Variants in TCF3 observed in about 807,000 individuals in gnomAD.
TCF3 encodes the protein transcription factor E2-alpha.
Under a neutral mutation model 72.3 loss-of-function variants are expected in TCF3, and 54 were observed. The ratio of observed to expected loss-of-function variants is 0.75; its 90% CI spans 0.60 to 0.94. TCF3 has a LOEUF of 0.94. TCF3 is among the 40% of genes least tolerant of loss of function. The pLI is 0.00. For missense variants in TCF3, 1,078 were observed against 934.4 expected (o/e 1.15, Z -2.00); for synonymous variants, 525 against 412.6 (o/e 1.27, Z -3.30).
chr19:1,652,341 G>C lies in TCF3; in HGVS notation c.-81C>G, dbSNP rs2067263637. On this transcript the variant is annotated 5_prime_UTR_variant, in exon 1 of 19. Transcript: ENST00000262965. Reference sequence around the variant, plus strand: ...GGCACGCGGCGCGTGGGGGGGGGCGGCGGCATGAAGCGGGGGGGCCCCCCC... The same window carrying C: ...GGCACGCGGCGCGTGGGGGGGGGCGCCGGCATGAAGCGGGGGGGCCCCCCC... 1 of 142,246 alleles carries C rather than the reference G, an allele frequency of 7.0e-6. No homozygotes were observed. Among genetic ancestry groups the C allele is most frequent in the South Asian group, 2.1e-4 (1 of 4,656 alleles). The allele number at this position is 142,246 out of a possible 1,614,324, so 8.8% of individuals were successfully genotyped here.
intron 3 of TCF3, among the ~76,000 whole-genome samples, chr19:1,643,246 G>A (rs2065596668): frequency 6.6e-6 from 1 of 152,158 alleles, no homozygotes; most frequent in Non-Finnish European, 1.5e-5. Context: ...TTTGAGACAG[G>A]GTCTGGCTCT....
intron 16 of TCF3, among the ~76,000 whole-genome samples, chr19:1,617,766 A>G (rs578137819): frequency 2.0e-5 from 3 of 152,254 alleles, no homozygotes; most frequent in African/African-American, 7.2e-5. Flanking sequence ...GAAACTGCTG[A>G]CCTGTGGGTC....
chr19:1,626,614 G>A (rs1368838670), intron 6 of TCF3, among the ~76,000 whole-genome samples: 1 of 152,156 alleles, frequency 6.6e-6, no homozygotes, highest in African/African-American at 2.4e-5. Context: ...AGAGAGCAGG[G>A]CCCGAGCCCT....
chr19:1,616,902 T>TATAC (rs1356805379), intron 16 of TCF3, among the ~76,000 whole-genome samples: 1 of 152,178 alleles, frequency 6.6e-6, no homozygotes, highest in Non-Finnish European at 1.5e-5. Flanking sequence ...ACCACAGATG[T>TATAC]AGCCAACCAG....
At chr19:1,621,296 G>A in intron 11 of TCF3, 105 bp from the exon 12 acceptor site, 2 of 1,332,620 alleles carry the variant, frequency 1.5e-6, no homozygotes, top group Non-Finnish European at 2.0e-6. Context: ...GCTGCGCCAG[G>A]GAGAGCAGCC....
Position 1,619,771 on chromosome 19 carries a change from G to A in TCF3, c.1167+9C>T. On this transcript the variant is annotated intron_variant, in intron 14 of 18. Transcript: ENST00000262965. ...GGGAAGGGTGGGGTGGGGCGGGGCA[G>A]GCACTCACCAGGCCGTGGAGACCCC... 6.5e-7 allele frequency: 1 copy of A among 1,549,852 alleles called. No individual in the cohort carries two copies. Among genetic ancestry groups the A allele is most frequent in the Admixed American group, 1.9e-5 (1 of 51,454 alleles).
At chr19:1,646,456 G>T in intron 2 of TCF3, 29 bp from the exon 3 acceptor site, 2 of 1,544,456 alleles carry the variant, frequency 1.3e-6, no homozygotes, top group Non-Finnish European at 1.8e-6. Context: ...AGACGTGAGC[G>T]GGGCGGGTGG....
intron 3 of TCF3, among the ~76,000 whole-genome samples, chr19:1,644,916 C>T (rs1304059916): frequency 6.6e-6 from 1 of 152,036 alleles, no homozygotes; most frequent in Non-Finnish European, 1.5e-5. Flanking sequence ...CAGGGCCTGA[C>T]CCTCTGCCTC....
intron 1 of TCF3, among the ~76,000 whole-genome samples, chr19:1,651,756 G>A (rs1420463116): frequency 2.0e-5 from 3 of 151,686 alleles, no homozygotes; most frequent in Non-Finnish European, 4.4e-5. Flanking sequence ...CAGCGCGGCC[G>A]CCGCCTCGCC....
chr19:1,612,064 G>A, intron 18 of TCF3: 2 of 880,680 alleles, frequency 2.3e-6, no homozygotes, highest in Non-Finnish European at 3.4e-6. Context: ...GGGGTGTCTG[G>A]GGAACATCAC....
At chr19:1,646,293 T>C in intron 3 of TCF3, 62 bp downstream of exon 3, 4 of 1,496,684 alleles carry the variant, frequency 2.7e-6, no homozygotes, top group South Asian at 2.4e-5. Flanking sequence ...GCCCGCACAC[T>C]GTCTTCAACA....
chr19:1,615,419 C>T lies in TCF3; in HGVS notation c.1688G>A (p.Arg563His), dbSNP rs372762343. The change falls in exon 18 of 19, where the codon CGT becomes CAT. Residue 563 changes from arginine to histidine, a missense_variant. Transcript: ENST00000262965. This position sits in a 1 kb window ranked among gnomAD's most constrained non-coding sequence, Gnocchi z 7.3. ...CTCCTTAAAGGCCTCGTTGATGTCA[C>T]GGACCCGCAGCCGCTCCCGGGCGTT... ...ANNARERLRV[R>H]DINEAFKELG... The T allele has an allele frequency of 1.1e-5, 18 of 1,613,802 alleles. No individual in the cohort carries two copies. Among genetic ancestry groups the T allele is most frequent in the Middle Eastern group, 1.6e-4 (1 of 6,084 alleles).
At position 1,652,523 on chromosome 19, in the gene TCF3, G is replaced by A. The variant is rs1271827970; in HGVS notation, c.-263C>T. On this transcript the variant is annotated 5_prime_UTR_variant, in exon 1 of 19. Coordinates refer to ENST00000262965, the MANE Select transcript of TCF3 (RefSeq NM_003200.5). The stretch of plus-strand genomic sequence containing the variant: ...CGCCCCTGGGGCAGCGGCGTGCGCG[G>A]TGCCCGCGGTGCCCGCCGCCGCGTC... The A allele has an allele frequency of 6.9e-6, 1 of 144,684 alleles. No individual in the cohort carries two copies. The highest frequency in any genetic ancestry group is 1.5e-5 in the Non-Finnish European group (1 of 65,168). The allele number at this position is 144,684 out of a possible 1,614,324, so 9.0% of individuals were successfully genotyped here. A position where few individuals can be genotyped will look rare whatever the true frequency, so the allele number is the denominator to read the frequency against.
chr19:1,625,417 C>T (rs1391049715), intron 7 of TCF3, among the ~76,000 whole-genome samples, 159 bp downstream of exon 7: 2 of 152,224 alleles, frequency 1.3e-5, no homozygotes, highest in East Asian at 1.9e-4. Flanking sequence ...CCCCCGTCAC[C>T]GTCCATCCCT....
rs1157309378 is a variant in TCF3, at chr19:1,609,754, G to A, written c.*1953C>T. ...GGACTGGGGGCAGATACCAGGCATTGAGCTGGCCTTGAGGTTTCCCTTGCA... is the reference window on the plus strand; with the variant it reads ...GGACTGGGGGCAGATACCAGGCATTAAGCTGGCCTTGAGGTTTCCCTTGCA... On this transcript the variant is annotated 3_prime_UTR_variant, in exon 19 of 19. Coordinates refer to ENST00000262965, the MANE Select transcript of TCF3 (RefSeq NM_003200.5). 8.7e-6 allele frequency: 2 copies of A among 230,192 alleles called. No homozygotes were observed. The highest frequency in any genetic ancestry group is 1.8e-4 in the South Asian group (1 of 5,514). 14.3% of individuals were successfully genotyped at this position (230,192 alleles called of 1,614,324 possible). A position where few individuals can be genotyped will look rare whatever the true frequency, so the allele number is the denominator to read the frequency against.
chr19:1,625,624 G>T lies in TCF3; in HGVS notation c.451C>A (p.Pro151Thr). The T allele has an allele frequency of 6.3e-7, 1 of 1,575,346 alleles. No individual in the cohort carries two copies. The highest frequency in any genetic ancestry group is 1.1e-5 in the South Asian group (1 of 87,148). ...SGMKGTSQYY[P>T]SYSGSSRRRA... Reference sequence around the variant, plus strand: ...CGCCGGGAGCTGCCGGAGTAGGAGGGGTAGTACTGGGAGGTCCCCTTCATG... The same window carrying T: ...CGCCGGGAGCTGCCGGAGTAGGAGGTGTAGTACTGGGAGGTCCCCTTCATG... Residue 151 changes from proline (P) to threonine (T), a missense_variant, in exon 7 of 19, where the codon CCC becomes ACC. By Grantham distance (38) the Pro-to-Thr change is conservative. Transcript: ENST00000262965.
At chr19:1,646,632 T>A (rs1174281207) in intron 2 of TCF3, among the ~76,000 whole-genome samples, 1 of 152,110 alleles carries the variant, frequency 6.6e-6, no homozygotes, top group Non-Finnish European at 1.5e-5. Flanking sequence ...CGCTGCACCC[T>A]GGACACCCAC....
At chr19:1,625,744 G>T in intron 6 of TCF3, 36 bp from the exon 7 acceptor site, 1 of 1,467,678 alleles carries the variant, frequency 6.8e-7, no homozygotes, top group South Asian at 1.4e-5. Flanking sequence ...GCGCCCAGCT[G>T]GCATCCAGAC....
At chr19:1,644,315 C>T (rs1674446051) in intron 3 of TCF3, among the ~76,000 whole-genome samples, 1 of 152,198 alleles carries the variant, frequency 6.6e-6, no homozygotes, top group Non-Finnish European at 1.5e-5. Context: ...GAGGAGGGTG[C>T]CACCAACTCA....
Sources: gnomAD v4.1 joint callset for allele counts (sites outside exome capture counted in the v4.1 genomes callset) on GRCh38, gnomAD v4.1.1 for gene constraint, Gnocchi (gnomAD v3.1) non-coding constraint, MANE v1.5 for transcripts, NCBI Gene and HGNC (gene_info 2026-07-23, HGNC 2026-07-21) for gene names.